Variants in CDC5L observed in about 807,000 individuals in gnomAD.
CDC5L encodes the protein cell division cycle 5 like, also known as cell division cycle 5-like protein.
In CDC5L, 18 loss-of-function variants were observed where a neutral mutation model predicts 104.1. The observed-to-expected ratio is 0.17, with a 90% confidence interval of 0.12 to 0.26. CDC5L has a LOEUF of 0.26. Ranked by LOEUF, CDC5L falls within the 10% of genes least tolerant of loss-of-function variation. The pLI is 1.00. For missense variants in CDC5L, 673 were observed against 956.9 expected (o/e 0.70, Z 3.91); for synonymous variants, 331 against 322.7 (o/e 1.03, Z -0.28).
At chr6:44,419,942 G>A (rs1183810242) in intron 9 of CDC5L, among the ~76,000 whole-genome samples, 2 of 151,980 alleles carry the variant, frequency 1.3e-5, no homozygotes, top group East Asian at 3.9e-4. Context: ...CTGTCTAATT[G>A]GAGTGTTCTT....
chr6:44,392,459 C>T (rs1790666102), intron 2 of CDC5L, among the ~76,000 whole-genome samples: 1 of 152,152 alleles, frequency 6.6e-6, no homozygotes, highest in African/African-American at 2.4e-5. Flanking sequence ...TTAACCATTA[C>T]TAATCTTGCA....
At chr6:44,412,408 T>C (rs545549750) in intron 8 of CDC5L, among the ~76,000 whole-genome samples, 50 of 151,810 alleles carry the variant, frequency 3.3e-4, no homozygotes, top group African/African-American at 1.1e-3. Context: ...TTACTTTTAG[T>C]AGAGACAGGG....
intron 11 of CDC5L, 96 bp from the exon 12 acceptor site, chr6:44,426,007 A>G (rs1409232920): frequency 6.8e-6 from 5 of 734,186 alleles, no homozygotes; most frequent in African/African-American, 1.8e-5. Flanking sequence ...TAGCTATTGA[A>G]CACACATGAT....
intron 4 of CDC5L, among the ~76,000 whole-genome samples, chr6:44,394,084 C>CAGTTAATTA (rs1445318201): frequency 6.6e-6 from 1 of 152,098 alleles, no homozygotes; most frequent in Non-Finnish European, 1.5e-5. Flanking sequence ...TTCTTCAATT[C>CAGTTAATTA]AGTTAATTAA....
At chr6:44,427,244 G>A (rs1041243750) in intron 13 of CDC5L, among the ~76,000 whole-genome samples, 1 of 152,148 alleles carries the variant, frequency 6.6e-6, no homozygotes, top group African/African-American at 2.4e-5. Flanking sequence ...TATGAAGTCT[G>A]TATCTGGTCT....
intron 8 of CDC5L, among the ~76,000 whole-genome samples, chr6:44,409,959 GA>G (rs1322919610): frequency 6.6e-6 from 1 of 151,508 alleles, no homozygotes; most frequent in Non-Finnish European, 1.5e-5. Flanking sequence ...CATTGATAAG[GA>G]AAAATTGTAT....
intron 14 of CDC5L, among the ~76,000 whole-genome samples, chr6:44,440,889 A>G (rs1431139700): frequency 1.3e-5 from 2 of 151,738 alleles, no homozygotes; most frequent in Non-Finnish European, 2.9e-5. Flanking sequence ...TGTATTTTTA[A>G]TAGAGATGGC....
At chr6:44,411,908 C>G (rs1411802828) in intron 8 of CDC5L, among the ~76,000 whole-genome samples, 1 of 152,100 alleles carries the variant, frequency 6.6e-6, no homozygotes, top group Non-Finnish European at 1.5e-5. Flanking sequence ...TCAGGGTGTT[C>G]AAGGCCAGAT....
intron 8 of CDC5L, among the ~76,000 whole-genome samples, chr6:44,418,241 C>A (rs552116524): frequency 6.6e-6 from 1 of 151,896 alleles, no homozygotes; most frequent in Non-Finnish European, 1.5e-5. Flanking sequence ...TGAGAACATG[C>A]GGTGTTTGGT....
chr6:44,419,087 G>A (rs1391504993), intron 8 of CDC5L, among the ~76,000 whole-genome samples: 1 of 152,014 alleles, frequency 6.6e-6, no homozygotes, highest in African/African-American at 2.4e-5. Context: ...CCTATGTCCT[G>A]AATGGTATTG....
At chr6:44,443,531 AT>A (rs936633264) in intron 14 of CDC5L, among the ~76,000 whole-genome samples, 2 of 146,992 alleles carry the variant, frequency 1.4e-5, no homozygotes, top group South Asian at 4.4e-4. Flanking sequence ...CTTTTTCATT[AT>A]TTTTTCTTTT....
chr6:44,428,919 C>G (rs1197170549), intron 13 of CDC5L, among the ~76,000 whole-genome samples: 1 of 151,890 alleles, frequency 6.6e-6, no homozygotes, highest in Non-Finnish European at 1.5e-5. Flanking sequence ...GTGGAAGGGG[C>G]ACACCCAGTG....
intron 9 of CDC5L, among the ~76,000 whole-genome samples, chr6:44,419,803 G>T (rs1012785316): frequency 6.6e-6 from 1 of 151,994 alleles, no homozygotes; most frequent in Non-Finnish European, 1.5e-5. Context: ...ATGGAGTCTC[G>T]CTCTGTTACC....
At chr6:44,401,829 A>G (rs1252280826) in intron 5 of CDC5L, among the ~76,000 whole-genome samples, 1 of 143,472 alleles carries the variant, frequency 7.0e-6, no homozygotes, top group Non-Finnish European at 1.5e-5. Flanking sequence ...AACAGTCCCC[A>G]GAGCGTGATG....
chr6:44,414,787 G>T (rs1043103271), intron 8 of CDC5L, among the ~76,000 whole-genome samples: 7 of 152,196 alleles, frequency 4.6e-5, no homozygotes, highest in Admixed American at 4.6e-4. Context: ...ATATTTTCAT[G>T]AAGTATAGTT....
Position 44,390,483 on chromosome 6 carries a change from C to T in CDC5L, c.149+112C>T, listed in dbSNP as rs946902324. ...AAGCAGACATTGTAATATAACAAGGCATGGAGTGGGAGATGGAAGTTGGGT... is the reference window on the plus strand; with the variant it reads ...AAGCAGACATTGTAATATAACAAGGTATGGAGTGGGAGATGGAAGTTGGGT... On this transcript the variant is annotated intron_variant, in intron 2 of 15. Transcript: ENST00000371477. 1.3e-5 allele frequency: 9 copies of T among 708,026 alleles called. No homozygotes were observed. In the African/African-American group the frequency reaches 1.5e-4, roughly 12 times the overall value. The allele number at this position is 708,026 out of a possible 1,614,324, so 43.9% of individuals were successfully genotyped here. A position where few individuals can be genotyped will look rare whatever the true frequency, so the allele number is the denominator to read the frequency against.
chr6:44,429,934 A>ATTCC, intron 14 of CDC5L, 24 bp downstream of exon 14: 2 of 1,573,922 alleles, frequency 1.3e-6, no homozygotes, highest in South Asian at 2.2e-5. Flanking sequence ...TAAAATTTTA[A>ATTCC]TTTTAAATGT....
intron 14 of CDC5L, among the ~76,000 whole-genome samples, chr6:44,430,955 C>T (rs1792656726): frequency 6.6e-6 from 1 of 152,154 alleles, no homozygotes; most frequent in African/African-American, 2.4e-5. Context: ...TTCAGGCAGT[C>T]ATATACAGAA....
intron 10 of CDC5L, among the ~76,000 whole-genome samples, chr6:44,423,756 T>C (rs1196354597): frequency 2.6e-5 from 4 of 152,210 alleles, no homozygotes; most frequent in African/African-American, 9.6e-5. Context: ...ACTTTCTTTC[T>C]TCTGCATGGG....
Sources: gnomAD v4.1 joint callset for allele counts (sites outside exome capture counted in the v4.1 genomes callset) on GRCh38, gnomAD v4.1.1 for gene constraint, MANE v1.5 for transcripts, NCBI Gene and HGNC (gene_info 2026-07-23, HGNC 2026-07-21) for gene names.